The following PARP8 variants were observed in gnomAD, a reference collection of about 807,000 sequenced individuals.
PARP8 encodes the protein protein mono-ADP-ribosyltransferase PARP8.
A neutral mutation model predicts 124.1 loss-of-function variants in PARP8; 51 were observed. The ratio of observed to expected loss-of-function variants is 0.41; its 90% CI spans 0.33 to 0.52. The LOEUF is 0.52. Among genes scored for constraint, PARP8 ranks in the 20% least tolerant of loss-of-function variants. PARP8 has a pLI of 0.21. For missense variants in PARP8, 860 were observed against 1,018.9 expected, an observed-to-expected ratio of 0.84 and a Z score of 2.12; for synonymous variants, 391 against 361.5, an observed-to-expected ratio of 1.08 and a Z score of -0.93.
intron 2 of PARP8, among the ~76,000 whole-genome samples, chr5:50,675,854 G>A (rs563498990): frequency 6.6e-6 from 1 of 151,970 alleles, no homozygotes; most frequent in Non-Finnish European, 1.5e-5. Context: ...AAAAAAAGTC[G>A]CAGAAATAAG....
intron 9 of PARP8, 100 bp downstream of exon 9, chr5:50,778,750 C>A: frequency 1.6e-6 from 1 of 606,234 alleles, no homozygotes; most frequent in Non-Finnish European, 2.6e-6. Context: ...AGCAAAAGTG[C>A]TAAATATCTT....
chr5:50,795,464 C>A, intron 12 of PARP8, 47 bp downstream of exon 12: 1 of 1,450,588 alleles, frequency 6.9e-7, no homozygotes, highest in Non-Finnish European at 9.2e-7. Context: ...AGCTAAGGTG[C>A]AGTAGAATTT....
At position 50,797,038 on chromosome 5, in the gene PARP8, A is replaced by G; in HGVS notation, c.1479+6A>G. The G allele has an allele frequency of 6.2e-7, 1 of 1,613,060 alleles. No individual in the cohort carries two copies. Among genetic ancestry groups the G allele is most frequent in the Non-Finnish European group, 8.5e-7 (1 of 1,179,336 alleles). On this transcript the variant is annotated splice_donor_region_variant and intron_variant, in intron 13 of 25. Transcript: ENST00000281631. ...ACCGTGGCTTCCTGGTGCAGGTATG[A>G]GCCAAAACTCTATCCATTGTACAAA... is the stretch of plus-strand genomic sequence containing the variant.
At chr5:50,680,739 G>T (rs1034747718) in intron 2 of PARP8, among the ~76,000 whole-genome samples, 1 of 152,092 alleles carries the variant, frequency 6.6e-6, no homozygotes, top group African/African-American at 2.4e-5. Flanking sequence ...GTTTGTAAGT[G>T]ATGCTGGAAG....
At position 50,770,539 on chromosome 5, in the gene PARP8, AAGAG is replaced by A. The variant is rs546803156; in HGVS notation, c.518+7308_518+7311del. 1.1e-4 allele frequency among the ~76,000 whole-genome samples: 17 copies of A among 151,432 alleles called. No individual in the cohort carries two copies. The East Asian group carries it at 1.2e-3, about 10-fold the overall frequency. ...AAGGGTTGGAGAAAGAAAAGAGAGAAAGAGAGAGAGAGAGCAAGAGAGAAGAAAA... is the reference window on the plus strand; with the variant it reads ...AAGGGTTGGAGAAAGAAAAGAGAGAAAGAGAGAGAGCAAGAGAGAAGAAAA... On this transcript the variant is annotated intron_variant, in intron 7 of 25. Transcript: ENST00000281631.
chr5:50,667,638 A>G, intron 1 of PARP8: 1 of 699,098 alleles, frequency 1.4e-6, no homozygotes, highest in South Asian at 1.5e-5. Context: ...CCCGGGGGGC[A>G]GCGCTCGGCC....
chr5:50,719,594 A>G (rs1158145122), intron 2 of PARP8, among the ~76,000 whole-genome samples: 2 of 152,078 alleles, frequency 1.3e-5, no homozygotes, highest in East Asian at 3.9e-4. Context: ...TCGTTACCTT[A>G]ATGTATGTCC....
At chr5:50,747,045 A>T (rs1422451508) in intron 2 of PARP8, among the ~76,000 whole-genome samples, 1 of 152,052 alleles carries the variant, frequency 6.6e-6, no homozygotes, top group South Asian at 2.1e-4. Context: ...AATTTTTTTT[A>T]AATGGAAAAA....
rs10039272 is a variant in PARP8 at position 50,747,170 on chromosome 5, T to G, written c.147-2981T>G. 6.6e-3 allele frequency among the ~76,000 whole-genome samples: 956 copies of G among 145,094 alleles called. 19 individuals carry two copies. The highest frequency in any genetic ancestry group is 0.037 in the East Asian group (188 of 5,040). On this transcript the variant is annotated intron_variant, in intron 2 of 25. Transcript: ENST00000281631. ...TTTTTGTTTGTTTGTTTTGTTTTTT[T>G]TTTTTTTTTTGTCTCTTCCTAATCT... is the stretch of plus-strand genomic sequence containing the variant.
intron 25 of PARP8, among the ~76,000 whole-genome samples, chr5:50,841,510 A>G (rs1472860764): frequency 6.6e-6 from 1 of 151,944 alleles, no homozygotes; most frequent in Non-Finnish European, 1.5e-5. Flanking sequence ...AATAATTATT[A>G]GAAGGCAGGC....
intron 9 of PARP8, among the ~76,000 whole-genome samples, chr5:50,781,541 G>A (rs1252306527): frequency 6.6e-6 from 1 of 152,152 alleles, no homozygotes; most frequent in Non-Finnish European, 1.5e-5. Context: ...CTGGAGGGGA[G>A]GGCTGTGAGC....
intron 14 of PARP8, among the ~76,000 whole-genome samples, chr5:50,811,835 G>A (rs1456290409): frequency 1.1e-4 from 17 of 152,206 alleles, no homozygotes; most frequent in South Asian, 2.1e-4. Flanking sequence ...GAGAACACGC[G>A]GTGTTTGGTT....
chr5:50,835,973 C>T (rs1747537058), intron 25 of PARP8, among the ~76,000 whole-genome samples: 1 of 152,054 alleles, frequency 6.6e-6, no homozygotes, highest in Admixed American at 6.6e-5. Context: ...CTGTTTTGTA[C>T]TTTATGTAGT....
chr5:50,684,353 A>G (rs1751619481), intron 2 of PARP8, among the ~76,000 whole-genome samples: 1 of 152,154 alleles, frequency 6.6e-6, no homozygotes, highest in East Asian at 1.9e-4. Context: ...AAATGTGGAC[A>G]TGTTGATCTT....
At chr5:50,675,383 C>G (rs1180726450) in intron 2 of PARP8, among the ~76,000 whole-genome samples, 2 of 152,188 alleles carry the variant, frequency 1.3e-5, no homozygotes, top group Non-Finnish European at 1.5e-5. Flanking sequence ...TGGCTCGCTG[C>G]AACCTCCGCC....
At chr5:50,713,340 A>G (rs1012612510) in intron 2 of PARP8, among the ~76,000 whole-genome samples, 3 of 152,008 alleles carry the variant, frequency 2.0e-5, no homozygotes, top group African/African-American at 7.3e-5. Context: ...TCCTGGGCTC[A>G]AGCAGTTCTC....
chr5:50,668,775 A>G (rs1749661237), intron 2 of PARP8: 1 of 152,284 alleles, frequency 6.6e-6, no homozygotes, highest in Non-Finnish European at 1.5e-5. Flanking sequence ...TTAAAATGAA[A>G]GGTAGCCATT....
rs780513240 is a variant in PARP8 at position 50,794,869 on chromosome 5, C to G, written c.880C>G (p.Pro294Ala). The G allele has an allele frequency of 1.2e-6, 2 of 1,613,366 alleles. No individual in the cohort carries two copies. The highest frequency in any genetic ancestry group is 2.2e-5 in the South Asian group (2 of 90,990). ...ATTTTGAAGGTCGCCAAGTTATCCTCCCCCTGGTTGTGGCAAAAGCAAATC... is the reference window on the plus strand; with the variant it reads ...ATTTTGAAGGTCGCCAAGTTATCCTGCCCCTGGTTGTGGCAAAAGCAAATC... ...STLRRSPSYP[P>A]PGCGKSKSKL... is the part of the protein sequence containing the mutation. Residue 294 changes from proline (P) to alanine (A), a missense_variant, in exon 12 of 26, where the codon CCC becomes GCC. Around this residue, in one of 2 missense-constraint regions of PARP8, gnomAD observed 517 missense variants for 544.2 expected, o/e 0.95. Coordinates refer to ENST00000281631, the MANE Select transcript of PARP8 (RefSeq NM_024615.4).
At chr5:50,823,424 C>T (rs1745989563) in intron 17 of PARP8, among the ~76,000 whole-genome samples, 1 of 152,174 alleles carries the variant, frequency 6.6e-6, no homozygotes, top group Admixed American at 6.5e-5. Context: ...AACAAGAGAT[C>T]CTTTAATTCA....
Sources: allele counts gnomAD v4.1 joint callset (sites outside exome capture counted in the v4.1 genomes callset), GRCh38; gene constraint gnomAD v4.1.1; regional missense constraint gnomAD v4.1.1; transcripts MANE v1.5; gene names NCBI Gene and HGNC (gene_info 2026-07-23, HGNC 2026-07-21).